CDH8: variants seen among roughly 807,000 people sequenced by gnomAD.
CDH8 encodes cadherin-8.
Under a neutral mutation model 68.1 loss-of-function variants are expected in CDH8, and 17 were observed. The observed-to-expected ratio is 0.25, with a 90% CI of 0.17 to 0.37. The LOEUF (loss-of-function observed/expected upper bound fraction) is 0.37. CDH8 is among the 10% of genes least tolerant of loss of function. CDH8 has a pLI of 1.00. For missense variants in CDH8, 763 were observed against 999.3 expected, an observed-to-expected ratio of 0.76 and a Z score of 3.19; for synonymous variants, 372 against 365.1, an observed-to-expected ratio of 1.02 and a Z score of -0.21.
chr16:61,731,475 A>G (rs531753716), intron 8 of CDH8, among the ~76,000 whole-genome samples: 5 of 151,878 alleles, frequency 3.3e-5, no homozygotes, highest in African/African-American at 1.2e-4. Flanking sequence ...GTGGTCAGGG[A>G]CAGAGACAAT....
chr16:61,839,165 A>T (rs183442818), intron 4 of CDH8, among the ~76,000 whole-genome samples: 1 of 152,276 alleles, frequency 6.6e-6, no homozygotes, highest in African/African-American at 2.4e-5. Context: ...AATGCATTGT[A>T]TCATAGATAG....
At chr16:61,960,627 A>G (rs1307338474) in intron 2 of CDH8, among the ~76,000 whole-genome samples, 2 of 152,116 alleles carry the variant, frequency 1.3e-5, no homozygotes, top group Non-Finnish European at 2.9e-5. Flanking sequence ...TAAATAACTG[A>G]GCAAATGGAT....
At chr16:61,846,397 A>G (rs1295515090) in intron 4 of CDH8, among the ~76,000 whole-genome samples, 2 of 152,114 alleles carry the variant, frequency 1.3e-5, no homozygotes, top group Admixed American at 1.3e-4. Flanking sequence ...TCTACCCCAC[A>G]CATTTTGTCC....
At chr16:61,801,255 G>A (rs571202408) in intron 7 of CDH8, among the ~76,000 whole-genome samples, 1 of 152,162 alleles carries the variant, frequency 6.6e-6, no homozygotes, top group South Asian at 2.1e-4. Flanking sequence ...ATAACTAATA[G>A]CCAGGTCTAG....
At chr16:61,754,845 T>C (rs1017697058) in intron 8 of CDH8, among the ~76,000 whole-genome samples, 2 of 152,142 alleles carry the variant, frequency 1.3e-5, no homozygotes, top group African/African-American at 4.8e-5. Flanking sequence ...GATGCTGAGA[T>C]TTGGGGTATG....
chr16:62,033,607 G>A (rs1057055073), intron 1 of CDH8, among the ~76,000 whole-genome samples: 2 of 152,212 alleles, frequency 1.3e-5, no homozygotes, highest in African/African-American at 2.4e-5. Context: ...AATTTGCAGG[G>A]AGAATAGATT....
At chr16:61,752,143 C>T (rs536782670) in intron 8 of CDH8, among the ~76,000 whole-genome samples, 1 of 152,044 alleles carries the variant, frequency 6.6e-6, no homozygotes, top group Non-Finnish European at 1.5e-5. Flanking sequence ...ACAAATAAAT[C>T]AGAATAAGGA....
intron 10 of CDH8, among the ~76,000 whole-genome samples, chr16:61,656,706 T>C (rs576777517): frequency 6.6e-6 from 1 of 152,256 alleles, no homozygotes; most frequent in Admixed American, 6.5e-5. Context: ...GTTAATTATA[T>C]GGAGATATAT....
At chr16:61,690,659 T>C (rs898674299) in intron 10 of CDH8, among the ~76,000 whole-genome samples, 2 of 151,278 alleles carry the variant, frequency 1.3e-5, no homozygotes, top group Non-Finnish European at 2.9e-5. Flanking sequence ...GTTGTTGTTG[T>C]TTATTTTCTT....
At chr16:61,678,801 C>T (rs1236230319) in intron 10 of CDH8, among the ~76,000 whole-genome samples, 2 of 152,120 alleles carry the variant, frequency 1.3e-5, no homozygotes, top group East Asian at 3.9e-4. Context: ...ATACCCTCCC[C>T]TGCTAATCTT....
In CDH8 at chr16:61,654,087, A is replaced by ACAG; in HGVS notation, c.1918_1920dup (p.Leu640dup). On this transcript the variant is annotated inframe_insertion, in exon 12 of 12. Transcript: ENST00000577390. ...TTTTTATGCCGCCGTAGAGTTACAA[A>ACAG]CAGCACCACGATGACTAGAGGAAAA... The ACAG allele has an allele frequency of 6.2e-7, 1 of 1,612,732 alleles. No individual in the cohort carries two copies.
chr16:61,812,040 CTTA>C (rs969781213), intron 7 of CDH8, among the ~76,000 whole-genome samples: 5 of 152,016 alleles, frequency 3.3e-5, no homozygotes, highest in Non-Finnish European at 7.4e-5. Context: ...TAGTGGATCC[CTTA>C]TTAAGTGCTC....
chr16:61,876,429 A>G lies in CDH8; in HGVS notation c.548-19191T>C, dbSNP rs75113613. 1.6e-3 allele frequency among the ~76,000 whole-genome samples: 241 copies of G among 152,160 alleles called. 6 individuals are homozygous for G. The East Asian group carries it at 0.022, about 14-fold the overall frequency. ...AAAAGATTTCTGGTTCTTGAAGTCA[A>G]CTTCCTCCTTCCCATTCATTATAAA... On this transcript the variant is annotated intron_variant, in intron 3 of 11. Transcript: ENST00000577390.
intron 2 of CDH8, among the ~76,000 whole-genome samples, chr16:61,995,872 C>T (rs953214043): frequency 6.6e-6 from 1 of 152,106 alleles, no homozygotes; most frequent in Non-Finnish European, 1.5e-5. Flanking sequence ...TCTCACCTGC[C>T]CAACTCAGTA....
intron 8 of CDH8, among the ~76,000 whole-genome samples, chr16:61,781,088 G>T (rs956037410): frequency 6.6e-6 from 1 of 152,200 alleles, no homozygotes. Context: ...CCCTGACTGA[G>T]CTTGGTAGCC....
At position 61,655,661 on chromosome 16, in the gene CDH8, T is replaced by C. The variant is rs145143780; in HGVS notation, c.1715A>G (p.Tyr572Cys). The C allele has an allele frequency of 6.2e-7, 1 of 1,614,056 alleles. No individual in the cohort carries two copies. The highest frequency in any genetic ancestry group is 8.5e-7 in the Non-Finnish European group (1 of 1,179,902). ...ATCACTGATTATGATTGGTAAAAGA[T>C]AGACTTCTTGCTTCTGGCGGTTGAA... is the stretch of plus-strand genomic sequence containing the variant. ...NGFNRQKQEV[Y>C]LLPIIISDSG... The change falls in exon 11 of 12, where the codon TAT (tyrosine) becomes TGT (cysteine). Residue 572 changes from tyrosine (Y) to cysteine (C), a missense_variant. Tyr to Cys is a radical substitution (Grantham distance 194). Coordinates refer to ENST00000577390, the MANE Select transcript of CDH8 (RefSeq NM_001796.5).
chr16:61,676,302 A>T (rs1374000978), intron 10 of CDH8, among the ~76,000 whole-genome samples: 2 of 151,772 alleles, frequency 1.3e-5, no homozygotes, highest in East Asian at 3.9e-4. Context: ...ATCATAAGGA[A>T]GCTGAAGTGG....
chr16:61,939,997 T>C (rs1477893124), intron 2 of CDH8, among the ~76,000 whole-genome samples: 1 of 152,120 alleles, frequency 6.6e-6, no homozygotes, highest in African/African-American at 2.4e-5. Flanking sequence ...ACACATCTCT[T>C]CCAAACCCAA....
At chr16:61,926,152 GGTGTGTGTGTGTGTGTGT>G (rs61028306) in intron 2 of CDH8, among the ~76,000 whole-genome samples, 1 of 142,118 alleles carries the variant, frequency 7.0e-6, no homozygotes, top group African/African-American at 2.6e-5. Flanking sequence ...ACTCAGAAGG[GGTGTGTGTGTGTGTGTGT>G]GTGTGTGTGT....
Sources: allele counts gnomAD v4.1 joint callset (sites outside exome capture counted in the v4.1 genomes callset), GRCh38; gene constraint gnomAD v4.1.1; transcripts MANE v1.5; gene names NCBI Gene and HGNC (gene_info 2026-07-23, HGNC 2026-07-21).